HERC4: variants seen among roughly 807,000 people sequenced by gnomAD.
HERC4 encodes the protein probable E3 ubiquitin-protein ligase HERC4.
HERC4 carries 28 observed loss-of-function variants against 124.3 expected under a neutral mutation model. The observed-to-expected ratio is 0.23, with a 90% CI of 0.17 to 0.31. The LOEUF is 0.31. HERC4 is among the 10% of genes least tolerant of loss of function. The pLI is 1.00. For synonymous variants in HERC4, 407 were observed against 421.5 expected, an observed-to-expected ratio of 0.97 and a Z score of 0.42; for missense variants, 713 against 1,229.3, an observed-to-expected ratio of 0.58 and a Z score of 6.28.
At chr10:68,069,137 A>G (rs780647373) in intron 3 of HERC4, 7 of 969,352 alleles carry the variant, frequency 7.2e-6, no homozygotes, top group Non-Finnish European at 8.6e-6. Flanking sequence ...ATGATTAGAT[A>G]CACAGTAAGA....
chr10:67,938,736 G>T (rs886787100), intron 21 of HERC4, among the ~76,000 whole-genome samples: 4 of 152,090 alleles, frequency 2.6e-5, no homozygotes, highest in African/African-American at 9.7e-5. Context: ...ATGAGGTCAG[G>T]AGTTCGAGAC....
At chr10:67,967,942 A>G (rs1181019621) in intron 15 of HERC4, among the ~76,000 whole-genome samples, 1 of 152,170 alleles carries the variant, frequency 6.6e-6, no homozygotes, top group Non-Finnish European at 1.5e-5. Context: ...TCTAAATTAA[A>G]AGAGACTAGA....
chr10:67,964,533 C>T (rs2034730965), intron 16 of HERC4, among the ~76,000 whole-genome samples: 1 of 152,132 alleles, frequency 6.6e-6, no homozygotes, highest in Non-Finnish European at 1.5e-5. Context: ...CTCCCCTAAT[C>T]TACTAAAATA....
At position 68,047,911 on chromosome 10, in the gene HERC4, C is replaced by G. The variant is rs892759453; in HGVS notation, c.227-3348G>C. 3.3e-5 allele frequency among the ~76,000 whole-genome samples: 5 copies of G among 151,892 alleles called. No individual in the cohort carries two copies. The South Asian group carries it at 1.0e-3, about 32-fold the overall frequency. The stretch of plus-strand genomic sequence containing the variant: ...ACTTATGTCCACATAAACACCTGCA[C>G]ATGAATGTTTTGTTTTTGTTTTTTT... On this transcript the variant is annotated intron_variant, in intron 3 of 24. Coordinates refer to ENST00000373700, the MANE Select transcript of HERC4 (RefSeq NM_015601.4).
intron 15 of HERC4, among the ~76,000 whole-genome samples, chr10:67,983,392 G>T (rs1031788627): frequency 6.6e-6 from 1 of 152,132 alleles, no homozygotes; most frequent in Non-Finnish European, 1.5e-5. Flanking sequence ...AGAAACGAAA[G>T]CAGTATATCA....
At chr10:67,991,050 A>C (rs945396033) in intron 12 of HERC4, 35 bp from the exon 13 acceptor site, 2 of 1,365,980 alleles carry the variant, frequency 1.5e-6, no homozygotes, top group African/African-American at 1.5e-5. Flanking sequence ...AAATAGAATA[A>C]AAATTTAAAA....
At chr10:67,942,888 T>C (rs1319107299) in intron 19 of HERC4, among the ~76,000 whole-genome samples, 1 of 152,224 alleles carries the variant, frequency 6.6e-6, no homozygotes, top group Non-Finnish European at 1.5e-5. Flanking sequence ...ATATACTCTA[T>C]GCACACACAA....
At chr10:68,049,607 A>AAAAC (rs1589421120) in intron 3 of HERC4, among the ~76,000 whole-genome samples, 1 of 150,866 alleles carries the variant, frequency 6.6e-6, no homozygotes, top group Non-Finnish European at 1.5e-5. Context: ...AAAAAAAAAA[A>AAAAC]AAAAAACACT....
chr10:67,960,968 TTCA>T (rs1260407319), intron 16 of HERC4: 4 of 359,436 alleles, frequency 1.1e-5, no homozygotes, highest in African/African-American at 2.2e-5. Flanking sequence ...GATCATGATT[TTCA>T]TCACTTTCTT....
At chr10:67,934,873 A>G (rs1394804282) in intron 22 of HERC4, among the ~76,000 whole-genome samples, 1 of 148,656 alleles carries the variant, frequency 6.7e-6, no homozygotes, top group Non-Finnish European at 1.5e-5. Context: ...TCGTGCTTTC[A>G]ATCTTGAAAA....
At chr10:67,968,702 C>T (rs1207297282) in intron 15 of HERC4, among the ~76,000 whole-genome samples, 2 of 150,946 alleles carry the variant, frequency 1.3e-5, no homozygotes, top group African/African-American at 2.4e-5. Context: ...AGTAAGAGTT[C>T]AAAACAAGCA....
At chr10:67,929,326 T>C (rs1336661430) in intron 23 of HERC4, among the ~76,000 whole-genome samples, 2 of 152,222 alleles carry the variant, frequency 1.3e-5, no homozygotes, top group Non-Finnish European at 2.9e-5. Flanking sequence ...ATCACTGTTA[T>C]GCTCTTAGAT....
chr10:67,969,473 G>A (rs2035097146), intron 15 of HERC4, among the ~76,000 whole-genome samples: 1 of 151,946 alleles, frequency 6.6e-6, no homozygotes, highest in Non-Finnish European at 1.5e-5. Context: ...CAGAGGGGGG[G>A]AAAAAAGGAA....
chr10:68,033,971 C>T lies in HERC4; in HGVS notation c.679G>A (p.Glu227Lys). 1 of 1,613,270 alleles carries T rather than the reference C, an allele frequency of 6.2e-7. No homozygotes were observed. The highest frequency in any genetic ancestry group is 8.5e-7 in the Non-Finnish European group (1 of 1,179,274). ...NKFGQLGLND[E>K]NDRYVPNLLK... ...ATACATAATGAGAACCTACCATTTT[C>T]ATCATTAAGACCTAGCTGACCAAAC... Residue 227 changes from glutamate to lysine, a missense_variant, in exon 6 of 25, where the codon GAA (glutamate) becomes AAA (lysine). By Grantham distance (56) the Glu-to-Lys change is moderately conservative. Coordinates refer to ENST00000373700, the MANE Select transcript of HERC4 (RefSeq NM_015601.4).
At chr10:67,941,764 T>C (rs745307394) in intron 19 of HERC4, among the ~76,000 whole-genome samples, 2 of 148,978 alleles carry the variant, frequency 1.3e-5, no homozygotes, top group Non-Finnish European at 3.0e-5. Flanking sequence ...CTGCAACGTA[T>C]GCCTCCTGGG....
chr10:68,055,575 T>C (rs1415242483), intron 3 of HERC4, among the ~76,000 whole-genome samples: 1 of 152,170 alleles, frequency 6.6e-6, no homozygotes, highest in African/African-American at 2.4e-5. Flanking sequence ...TCTTATTTAA[T>C]CCTCATAACA....
intron 15 of HERC4, among the ~76,000 whole-genome samples, chr10:67,974,760 GAA>G (rs143728580): frequency 0.011 from 1,744 of 152,198 alleles, 22 homozygotes; most frequent in Middle Eastern, 0.031. Context: ...TCCTAATAGA[GAA>G]AGAGAACAAA....
intron 24 of HERC4, among the ~76,000 whole-genome samples, chr10:67,923,416 T>G (rs1014537825): frequency 6.6e-6 from 1 of 152,218 alleles, no homozygotes; most frequent in African/African-American, 2.4e-5. Context: ...CAAAACATTT[T>G]GAGAGCCCTT....
In HERC4 at chr10:67,921,926, T is replaced by A. The variant is rs1184274639; in HGVS notation, c.*1005A>T. 2 of 152,102 alleles carry A rather than the reference T, an allele frequency of 1.3e-5. No homozygotes were observed. Among genetic ancestry groups the A allele is most frequent in the African/African-American group, 4.8e-5 (2 of 41,438 alleles). 9.4% of individuals were successfully genotyped at this position (152,102 alleles called of 1,614,324 possible). A position where few individuals can be genotyped will look rare whatever the true frequency, so the allele number is the denominator to read the frequency against. Reference sequence around the variant, plus strand: ...AAAGTTTAAATATTAAAACAATAAATCTTTATTAAACAGTTTTCACGGCAT... The same window carrying A: ...AAAGTTTAAATATTAAAACAATAAAACTTTATTAAACAGTTTTCACGGCAT... On this transcript the variant is annotated 3_prime_UTR_variant, in exon 25 of 25. Transcript: ENST00000373700.
Sources: allele counts gnomAD v4.1 joint callset (sites outside exome capture counted in the v4.1 genomes callset), GRCh38; gene constraint gnomAD v4.1.1; transcripts MANE v1.5; gene names NCBI Gene and HGNC (gene_info 2026-07-23, HGNC 2026-07-21).